FAT3: variants seen among roughly 807,000 people sequenced by gnomAD.
The protein encoded by FAT3 is protocadherin Fat 3.
In FAT3, 95 loss-of-function variants were observed where a neutral mutation model predicts 310.2. That is an observed-to-expected ratio of 0.31 (90% CI 0.26 to 0.36). The LOEUF is 0.36. Ranked by LOEUF, FAT3 falls within the 10% of genes least tolerant of loss-of-function variation. FAT3 has a pLI of 1.00. For missense variants in FAT3, 5,408 were observed against 5,715.6 expected, an observed-to-expected ratio of 0.95 and a Z score of 1.74; for synonymous variants, 2,314 against 2,192.9, an observed-to-expected ratio of 1.06 and a Z score of -1.54.
chr11:92,567,103 C>T (rs914862439), intron 3 of FAT3, among the ~76,000 whole-genome samples: 1 of 152,016 alleles, frequency 6.6e-6, no homozygotes, highest in African/African-American at 2.4e-5. Context: ...AACAGGCAAC[C>T]TTCAAAATAG....
chr11:92,587,585 A>G (rs987601523), intron 3 of FAT3, among the ~76,000 whole-genome samples: 1 of 152,036 alleles, frequency 6.6e-6, no homozygotes, highest in Non-Finnish European at 1.5e-5. Context: ...TATTTAGCAT[A>G]ACAAAATAAA....
At chr11:92,614,497 A>C (rs1338164141) in intron 3 of FAT3, among the ~76,000 whole-genome samples, 1 of 152,130 alleles carries the variant, frequency 6.6e-6, no homozygotes, top group Non-Finnish European at 1.5e-5. Flanking sequence ...CACATGGCTA[A>C]TGGTGTTGTG....
At chr11:92,270,499 T>C (rs1946094181) in intron 1 of FAT3, among the ~76,000 whole-genome samples, 1 of 150,730 alleles carries the variant, frequency 6.6e-6, no homozygotes, top group African/African-American at 2.4e-5. Context: ...GCCAACATGG[T>C]GAAACCTCGT....
At position 92,840,680 on chromosome 11, in the gene FAT3, T is replaced by C. The variant is rs371563869; in HGVS notation, c.10487T>C (p.Val3496Ala). ...ILSGNEEEEF[V>A]LDPHGILRSA... ...TCGGGAAATGAAGAGGAGGAGTTTG[T>C]GTTGGACCCTCATGGGATCTTGCGG... is the stretch of plus-strand genomic sequence containing the variant. Residue 3496 changes from valine (V) to alanine (A), a missense_variant, in exon 18 of 28, where the codon GTG becomes GCG. Coordinates refer to ENST00000525166, the MANE Select transcript of FAT3 (RefSeq NM_001367949.2). 5 of 1,612,934 alleles carry C rather than the reference T, an allele frequency of 3.1e-6. No individual in the cohort carries two copies. In the Admixed American group the frequency reaches 5.0e-5, roughly 16 times the overall value.
chr11:92,301,360 C>A (rs1288867869), intron 1 of FAT3, among the ~76,000 whole-genome samples: 1 of 152,108 alleles, frequency 6.6e-6, no homozygotes, highest in Non-Finnish European at 1.5e-5. Flanking sequence ...GAGCTTCCAC[C>A]ACTTGAGTGC....
At chr11:92,695,541 C>T (rs576598372) in intron 3 of FAT3, among the ~76,000 whole-genome samples, 6 of 152,266 alleles carry the variant, frequency 3.9e-5, no homozygotes, top group South Asian at 2.1e-4. Context: ...CCCACAAATA[C>T]ACCCTCCACA....
chr11:92,871,331 C>T (rs1415017520), intron 22 of FAT3, among the ~76,000 whole-genome samples: 4 of 152,154 alleles, frequency 2.6e-5, no homozygotes, highest in Admixed American at 6.5e-5. Flanking sequence ...ACCCTTGCTA[C>T]TCAAAGTGTT....
At chr11:92,655,305 A>G (rs1374350787) in intron 3 of FAT3, among the ~76,000 whole-genome samples, 1 of 152,216 alleles carries the variant, frequency 6.6e-6, no homozygotes, top group East Asian at 1.9e-4. Flanking sequence ...CAGTTTTGAT[A>G]CACTCTGTAT....
intron 12 of FAT3, among the ~76,000 whole-genome samples, chr11:92,809,401 G>C (rs993447691): frequency 6.6e-6 from 1 of 152,196 alleles, no homozygotes; most frequent in Non-Finnish European, 1.5e-5. Context: ...TGGAGGCAAA[G>C]AGACTGCCTT....
chr11:92,292,621 A>G lies in FAT3; in HGVS notation c.-17-59475A>G, dbSNP rs576974350. 2.4e-4 allele frequency among the ~76,000 whole-genome samples: 36 copies of G among 152,192 alleles called. 1 individual carries two copies. In the East Asian group the frequency reaches 3.1e-3, roughly 13 times the overall value. On this transcript the variant is annotated intron_variant, in intron 1 of 27. Transcript: ENST00000525166. ...GTATAAAAATTTGAGGTTATACTGC[A>G]TATAGCAAATTCTCCCCACCTGGAA...
At chr11:92,375,258 C>T (rs964721483) in intron 2 of FAT3, among the ~76,000 whole-genome samples, 2 of 151,998 alleles carry the variant, frequency 1.3e-5, no homozygotes, top group African/African-American at 4.8e-5. Flanking sequence ...CTCAGTCTCC[C>T]AAGGAGCTGG....
intron 1 of FAT3, among the ~76,000 whole-genome samples, chr11:92,270,778 A>G (rs1336933379): frequency 2.0e-5 from 3 of 152,120 alleles, no homozygotes; most frequent in African/African-American, 4.8e-5. Context: ...GAGAAATATC[A>G]TATACATACA....
chr11:92,509,479 G>A (rs957180866), intron 2 of FAT3, among the ~76,000 whole-genome samples: 2 of 152,298 alleles, frequency 1.3e-5, no homozygotes, highest in African/African-American at 2.4e-5. Context: ...ACTTCATTAA[G>A]TAAATGGTAA....
At chr11:92,780,745 C>T (rs1419342363) in intron 7 of FAT3, among the ~76,000 whole-genome samples, 1 of 152,144 alleles carries the variant, frequency 6.6e-6, no homozygotes, top group Non-Finnish European at 1.5e-5. Flanking sequence ...AACATGATGC[C>T]ACCTGTGGCT....
chr11:92,834,740 T>C (rs1948354916), intron 14 of FAT3, 130 bp from the exon 15 acceptor site: 1 of 805,834 alleles, frequency 1.2e-6, no homozygotes, highest in East Asian at 2.7e-5. Flanking sequence ...CAGTAAGGCA[T>C]TAAATAAACA....
intron 4 of FAT3, among the ~76,000 whole-genome samples, chr11:92,724,587 G>C (rs1478239984): frequency 6.6e-6 from 1 of 152,186 alleles, no homozygotes; most frequent in Admixed American, 6.5e-5. Flanking sequence ...ATCTGGTTTT[G>C]TGCTATCCAG....
chr11:92,432,841 C>T (rs1950824071), intron 2 of FAT3, among the ~76,000 whole-genome samples: 1 of 152,158 alleles, frequency 6.6e-6, no homozygotes, highest in Non-Finnish European at 1.5e-5. Flanking sequence ...CATAGCTGCC[C>T]CTTTCCTCAG....
chr11:92,860,076 C>T (rs1949083003), intron 21 of FAT3, among the ~76,000 whole-genome samples: 5 of 152,152 alleles, frequency 3.3e-5, no homozygotes, highest in Admixed American at 2.0e-4. Flanking sequence ...GTAGTCGGCA[C>T]CTATAATCCC....
At chr11:92,314,758 C>A (rs1335513788) in intron 1 of FAT3, among the ~76,000 whole-genome samples, 1 of 152,204 alleles carries the variant, frequency 6.6e-6, no homozygotes, top group Non-Finnish European at 1.5e-5. Flanking sequence ...TCGTTTTTAG[C>A]TGTGTTATCT....
Sources: allele counts gnomAD v4.1 joint callset (sites outside exome capture counted in the v4.1 genomes callset), GRCh38; gene constraint gnomAD v4.1.1; transcripts MANE v1.5; gene names NCBI Gene and HGNC (gene_info 2026-07-23, HGNC 2026-07-21).